SLC12A3: variants seen among roughly 807,000 people sequenced by gnomAD.
SLC12A3 encodes the protein solute carrier family 12 member 3, also known as Na-Cl cotransporter.
In SLC12A3, 104 loss-of-function variants were observed where a neutral mutation model predicts 121.0. The ratio of observed to expected loss-of-function variants is 0.86; its 90% CI spans 0.73 to 1.01. SLC12A3 has a LOEUF of 1.01. Ranked by LOEUF, SLC12A3 falls within the 50% of genes least tolerant of loss-of-function variation. The pLI is 0.00. For missense variants in SLC12A3, 1,328 were observed against 1,356.3 expected, an observed-to-expected ratio of 0.98 and a Z score of 0.33; for synonymous variants, 536 against 533.4, an observed-to-expected ratio of 1.00 and a Z score of -0.07.
At chr16:56,867,359 A>G in intron 2 of SLC12A3, 143 bp downstream of exon 2, 1 of 856,426 alleles carries the variant, frequency 1.2e-6, no homozygotes. Context: ...TTAATAGATC[A>G]ATAGACAATA....
chr16:56,878,293 G>A, intron 9 of SLC12A3, 132 bp downstream of exon 9: 1 of 719,952 alleles, frequency 1.4e-6, no homozygotes, highest in Non-Finnish European at 2.4e-6. Flanking sequence ...AGCTGGGCTG[G>A]GAGGGTGTGG....
At chr16:56,912,175 C>T (rs948930229) in intron 25 of SLC12A3, among the ~76,000 whole-genome samples, 5 of 152,236 alleles carry the variant, frequency 3.3e-5, no homozygotes, top group Non-Finnish European at 7.3e-5. Context: ...GTGAGTCCCA[C>T]GGAAGGTGCT....
chr16:56,872,757 G>T lies in SLC12A3; in HGVS notation c.1066G>T (p.Ala356Ser), dbSNP rs746898667. The part of the protein sequence containing the change: ...IFFPSATGIL[A>S]GANISGDLKD... ...CTTCCCCTCGGCCACAGGCATCCTGGCAGGGGCCAACATATCTGGTGACCT... is the reference window on the plus strand; with the variant it reads ...CTTCCCCTCGGCCACAGGCATCCTGTCAGGGGCCAACATATCTGGTGACCT... Residue 356 changes from alanine to serine, a missense_variant, in exon 8 of 26, where the codon GCA becomes TCA. Physicochemically the swap from Ala to Ser is moderately conservative, Grantham distance 99. Transcript: ENST00000563236. 8.7e-6 allele frequency: 14 copies of T among 1,614,256 alleles called. No homozygotes were observed. The highest frequency in any genetic ancestry group is 5.5e-5 in the South Asian group (5 of 91,088).
chr16:56,897,727 C>G (rs1196469412), intron 22 of SLC12A3, among the ~76,000 whole-genome samples: 2 of 152,220 alleles, frequency 1.3e-5, no homozygotes, highest in African/African-American at 2.4e-5. Context: ...CCTGGGCTAA[C>G]AGCATGTCCT....
chr16:56,894,266 T>C (rs1212977511), intron 21 of SLC12A3, among the ~76,000 whole-genome samples: 1 of 152,020 alleles, frequency 6.6e-6, no homozygotes, highest in Non-Finnish European at 1.5e-5. Flanking sequence ...CGGCCTCCCA[T>C]AGTGCTGGGA....
chr16:56,874,420 A>G (rs1303624986), intron 8 of SLC12A3, among the ~76,000 whole-genome samples: 1 of 152,162 alleles, frequency 6.6e-6, no homozygotes, highest in African/African-American at 2.4e-5. Flanking sequence ...AGCTAGCCCC[A>G]CACTGGAAAT....
At position 56,913,706 on chromosome 16, in the gene SLC12A3, A is replaced by G; in HGVS notation, c.*301A>G. ...TTTTGATTTTGATGACCATTAATTAAGAGTTCAGTCTTTGATTTGTATGCA... is the reference window on the plus strand; with the variant it reads ...TTTTGATTTTGATGACCATTAATTAGGAGTTCAGTCTTTGATTTGTATGCA... On this transcript the variant is annotated 3_prime_UTR_variant, in exon 26 of 26. Transcript: ENST00000563236. 4.8e-6 allele frequency: 2 copies of G among 417,652 alleles called. No homozygotes were observed. The highest frequency in any genetic ancestry group is 5.3e-5 in the East Asian group (1 of 18,778). The allele number at this position is 417,652 out of a possible 1,614,324, so 25.9% of individuals were successfully genotyped here.
In SLC12A3 at chr16:56,870,174, A is replaced by G. The variant is rs773177438; in HGVS notation, c.680A>G (p.Asn227Ser). 2.5e-6 allele frequency: 4 copies of G among 1,613,968 alleles called. No homozygotes were observed. The highest frequency in any genetic ancestry group is 4.5e-5 in the East Asian group (2 of 44,892). The part of the protein sequence containing the change: ...GSIGLIFAFA[N>S]AVGVAMHTVG... Reference sequence around the variant, plus strand: ...ATCGGCCTCATTTTCGCTTTCGCCAATGCCGTGGGTGTGGCCATGCACACG... The same window carrying G: ...ATCGGCCTCATTTTCGCTTTCGCCAGTGCCGTGGGTGTGGCCATGCACACG... The change falls in exon 5 of 26, where the codon AAT (asparagine) becomes AGT (serine). Residue 227 changes from asparagine (N) to serine (S), a missense_variant. Coordinates refer to ENST00000563236, the MANE Select transcript of SLC12A3 (RefSeq NM_001126108.2).
At chr16:56,887,799 T>TATATATA (rs1491296372) in intron 17 of SLC12A3, 126 bp from the exon 18 acceptor site, 22 of 46,596 alleles carry the variant, frequency 4.7e-4, no homozygotes, top group East Asian at 1.5e-3. Flanking sequence ...TATATATATA[T>TATATATA]TTTTTTTTTT....
chr16:56,882,233 C>G (rs1163226494), intron 12 of SLC12A3, among the ~76,000 whole-genome samples, 163 bp from the exon 13 acceptor site: 3 of 152,066 alleles, frequency 2.0e-5, no homozygotes, highest in African/African-American at 7.2e-5. Context: ...AAGGATGGAC[C>G]CATCTCACAG....
intron 23 of SLC12A3, among the ~76,000 whole-genome samples, chr16:56,901,131 C>T (rs2055532038): frequency 6.6e-6 from 1 of 152,188 alleles, no homozygotes; most frequent in Non-Finnish European, 1.5e-5. Context: ...TTCCAAGACA[C>T]CCCTTCCACT....
intron 22 of SLC12A3, among the ~76,000 whole-genome samples, chr16:56,898,325 G>A (rs1333450116): frequency 6.6e-6 from 1 of 151,974 alleles, no homozygotes; most frequent in Non-Finnish European, 1.5e-5. Flanking sequence ...CTGGAGTGCA[G>A]TCGGCTCACT....
intron 25 of SLC12A3, among the ~76,000 whole-genome samples, chr16:56,910,483 C>T (rs907061567): frequency 2.6e-5 from 4 of 152,122 alleles, no homozygotes; most frequent in Non-Finnish European, 4.4e-5. Flanking sequence ...ACTACAGGCA[C>T]ATACCACCAG....
chr16:56,870,199 G>A lies in SLC12A3; in HGVS notation c.705G>A (p.Thr235=), dbSNP rs549274181. 32 of 1,613,928 alleles carry A rather than the reference G, an allele frequency of 2.0e-5. No individual in the cohort carries two copies. Among genetic ancestry groups the A allele is most frequent in the African/African-American group, 4.0e-5 (3 of 75,064 alleles). ...FANAVGVAMH[T]VGFAETVRDL... ...ATGCCGTGGGTGTGGCCATGCACAC[G>A]GTGGGCTTTGCAGAGACCGTGCGGG... The change falls in exon 5 of 26, where the codon ACG becomes ACA. Residue 235 remains threonine, a synonymous_variant. Transcript: ENST00000563236.
At chr16:56,887,238 G>T in intron 17 of SLC12A3, 145 bp downstream of exon 17, 1 of 947,346 alleles carries the variant, frequency 1.1e-6, no homozygotes, top group Non-Finnish European at 1.6e-6. Flanking sequence ...TGTTTTACTT[G>T]TCACCCAGGC....
intron 24 of SLC12A3, 114 bp downstream of exon 24, chr16:56,902,622 C>A: frequency 7.6e-7 from 1 of 1,311,216 alleles, no homozygotes; most frequent in Non-Finnish European, 1.1e-6. Context: ...CTGCCTTCCA[C>A]TCCGGCCCCT....
rs1468639829 is a variant in SLC12A3 at position 56,885,239 on chromosome 16, C to G, written c.1826-26C>G. On this transcript the variant is annotated intron_variant, in intron 14 of 25. Transcript: ENST00000563236. ...CTAGTGATTCCTAACTCTGCTCTCA[C>G]CCCCGTTGCTCCCTTGCTCTCCCAG... 5.9e-6 allele frequency: 8 copies of G among 1,349,422 alleles called. No individual in the cohort carries two copies. In the South Asian group the frequency reaches 6.2e-5, roughly 11 times the overall value. 83.6% of individuals were successfully genotyped at this position (1,349,422 alleles called of 1,614,324 possible).
chr16:56,904,604 C>T, intron 25 of SLC12A3, 142 bp downstream of exon 25: 1 of 796,832 alleles, frequency 1.3e-6, no homozygotes. Context: ...ATAAACATAG[C>T]CCTGGCGATT....
At chr16:56,896,272 T>C (rs2055460715) in intron 22 of SLC12A3, among the ~76,000 whole-genome samples, 1 of 152,202 alleles carries the variant, frequency 6.6e-6, no homozygotes, top group African/African-American at 2.4e-5. Context: ...AGTCCTGGTT[T>C]AGCCTTGGCC....
Sources: gnomAD v4.1 joint callset for allele counts (sites outside exome capture counted in the v4.1 genomes callset) on GRCh38, gnomAD v4.1.1 for gene constraint, MANE v1.5 for transcripts, NCBI Gene and HGNC (gene_info 2026-07-23, HGNC 2026-07-21) for gene names.